CSMD1: variants seen among roughly 807,000 people sequenced by gnomAD.
CSMD1 encodes the protein CUB and sushi domain-containing protein 1.
A neutral mutation model predicts 417.5 loss-of-function variants in CSMD1; 213 were observed. The observed-to-expected ratio is 0.51, with a 90% CI of 0.46 to 0.57. The LOEUF (loss-of-function observed/expected upper bound fraction) is 0.57, where lower values mean the gene tolerates loss of function less well. Ranked by LOEUF, CSMD1 falls within the 20% of genes least tolerant of loss-of-function variation. The probability of loss-of-function intolerance (pLI) is 0.00; values close to 1 mark genes in which losing one functional copy is unlikely to be tolerated. For missense variants in CSMD1, 6,923 were observed against 4,529.7 expected, an observed-to-expected ratio of 1.53 and a Z score of -15.17; for synonymous variants, 2,862 against 1,736.8, an observed-to-expected ratio of 1.65 and a Z score of -16.11.
rs188188185 is a variant in CSMD1, at chr8:4,048,370, C to A, written c.416-16271G>T. Among the ~76,000 whole-genome samples the A allele has an allele frequency of 1.4e-3, 214 of 152,274 alleles. 1 individual carries two copies. Among genetic ancestry groups the A allele is most frequent in the African/African-American group, 4.9e-3 (203 of 41,548 alleles). ...TTAACCATATTCTTAATAACAACAG[C>A]TAACACAGACAATGCTTCCTAGACA... On this transcript the variant is annotated intron_variant, in intron 3 of 69. Transcript: ENST00000635120.
intron 36 of CSMD1, among the ~76,000 whole-genome samples, chr8:3,182,369 C>T (rs1204168138): frequency 3.3e-5 from 5 of 152,122 alleles, no homozygotes. Context: ...CATGCTCCAC[C>T]ATGTCCTGCT....
At chr8:3,181,014 A>G (rs572272227) in intron 37 of CSMD1, 96 bp downstream of exon 37, 4 of 765,102 alleles carry the variant, frequency 5.2e-6, no homozygotes, top group East Asian at 5.4e-5. Flanking sequence ...TAGAAAAATA[A>G]TATTTCACTG....
rs151044375 is a variant in CSMD1, at chr8:3,896,470, T to C, written c.818+101433A>G. On this transcript the variant is annotated intron_variant, in intron 5 of 69. Transcript: ENST00000635120. ...CACTTGGGAGAGAAAGTAAATTCAATAAAAGGCTACCAAATAAGGTCTTGA... is the reference window on the plus strand; with the variant it reads ...CACTTGGGAGAGAAAGTAAATTCAACAAAAGGCTACCAAATAAGGTCTTGA... 1.6e-3 allele frequency among the ~76,000 whole-genome samples: 245 copies of C among 152,182 alleles called. 1 individual carries two copies. Among genetic ancestry groups the C allele is most frequent in the Non-Finnish European group, 2.4e-3 (160 of 68,010 alleles).
chr8:3,218,862 A>T (rs1054849822), intron 29 of CSMD1, among the ~76,000 whole-genome samples: 1 of 152,128 alleles, frequency 6.6e-6, no homozygotes, highest in Non-Finnish European at 1.5e-5. Flanking sequence ...ACAAGAGCAA[A>T]ACTCTGTCTC....
At chr8:3,794,015 G>A (rs565127046) in intron 5 of CSMD1, among the ~76,000 whole-genome samples, 5 of 152,228 alleles carry the variant, frequency 3.3e-5, no homozygotes, top group South Asian at 2.1e-4. Context: ...TATCCCACGC[G>A]TAGACAGACG....
At chr8:3,467,548 G>A (rs113531760) in intron 12 of CSMD1, among the ~76,000 whole-genome samples, 3,080 of 152,182 alleles carry the variant, frequency 0.02, 118 homozygotes, top group African/African-American at 0.07. Context: ...ATTTTTTGTC[G>A]TAGTATTTCT....
intron 25 of CSMD1, among the ~76,000 whole-genome samples, chr8:3,289,063 G>T (rs1202838582): frequency 1.4e-5 from 2 of 147,020 alleles, no homozygotes; most frequent in African/African-American, 2.7e-5. Context: ...ACCTATGAGG[G>T]AGAACATGCG....
chr8:3,656,787 G>T (rs545109119), intron 7 of CSMD1, among the ~76,000 whole-genome samples: 2 of 152,104 alleles, frequency 1.3e-5, no homozygotes, highest in Non-Finnish European at 2.9e-5. Flanking sequence ...TTAGGCAGAT[G>T]TGGTGGGCAT....
intron 5 of CSMD1, among the ~76,000 whole-genome samples, chr8:3,794,619 T>C: frequency 6.6e-5 from 2 of 30,448 alleles, no homozygotes; most frequent in African/African-American, 1.2e-4. Context: ...TTAATAATTA[T>C]TTTTTAATTT....
intron 1 of CSMD1, among the ~76,000 whole-genome samples, chr8:4,889,923 T>A (rs998568592): frequency 3.9e-5 from 6 of 152,140 alleles, no homozygotes; most frequent in African/African-American, 1.2e-4. Context: ...AGTTTTGGAA[T>A]GTGGTCCTCT....
chr8:3,718,944 G>A (rs1272825929), intron 6 of CSMD1, among the ~76,000 whole-genome samples: 2 of 152,108 alleles, frequency 1.3e-5, no homozygotes, highest in Non-Finnish European at 2.9e-5. Context: ...CAAACAGAGG[G>A]AGAATAGAAG....
chr8:3,342,843 TTG>T (rs911504452), intron 23 of CSMD1, among the ~76,000 whole-genome samples: 7 of 143,230 alleles, frequency 4.9e-5, no homozygotes, highest in Middle Eastern at 3.6e-3. Context: ...TATGTAGTTG[TTG>T]TGTGTGTGTG....
At chr8:3,494,343 T>G (rs1405364222) in intron 10 of CSMD1, among the ~76,000 whole-genome samples, 3 of 152,318 alleles carry the variant, frequency 2.0e-5, no homozygotes, top group Non-Finnish European at 4.4e-5. Context: ...ATCTATTAAC[T>G]TCTTTCTGTA....
chr8:3,892,105 A>T lies in CSMD1; in HGVS notation c.818+105798T>A, dbSNP rs556364689. 3.3e-5 allele frequency among the ~76,000 whole-genome samples: 5 copies of T among 151,564 alleles called. No individual in the cohort carries two copies. The South Asian group carries it at 8.4e-4, about 25-fold the overall frequency. On this transcript the variant is annotated intron_variant, in intron 5 of 69. Transcript: ENST00000635120. Reference sequence around the variant, plus strand: ...GCTTTTCAAAGTTTCCTATTCAGGCAGGACAGATACATAAGCTCTAAGATA... The same window carrying T: ...GCTTTTCAAAGTTTCCTATTCAGGCTGGACAGATACATAAGCTCTAAGATA...
intron 3 of CSMD1, among the ~76,000 whole-genome samples, chr8:4,249,664 C>T (rs1232071082): frequency 1.3e-5 from 2 of 152,128 alleles, no homozygotes; most frequent in Non-Finnish European, 2.9e-5. Context: ...TGAGAGCTGC[C>T]AGCTCTCTTC....
At chr8:3,955,961 T>A (rs1000029338) in intron 5 of CSMD1, among the ~76,000 whole-genome samples, 3 of 152,070 alleles carry the variant, frequency 2.0e-5, no homozygotes, top group Non-Finnish European at 2.9e-5. Context: ...GCCCAACTAA[T>A]TGTTTGTATT....
chr8:4,272,402 A>G (rs960955113), intron 3 of CSMD1, among the ~76,000 whole-genome samples: 7 of 152,198 alleles, frequency 4.6e-5, no homozygotes, highest in African/African-American at 1.7e-4. Flanking sequence ...AGACCTATAG[A>G]CAATGAGGAT....
chr8:4,027,182 G>C (rs1383901971), intron 4 of CSMD1, among the ~76,000 whole-genome samples: 1 of 152,152 alleles, frequency 6.6e-6, no homozygotes, highest in African/African-American at 2.4e-5. Context: ...GACGAGGTAA[G>C]AAGCATATAG....
At chr8:3,592,853 G>A (rs1483318333) in intron 8 of CSMD1, among the ~76,000 whole-genome samples, 1 of 152,000 alleles carries the variant, frequency 6.6e-6, no homozygotes, top group Non-Finnish European at 1.5e-5. Flanking sequence ...AGGTGTAAAG[G>A]AGATGTGATG....
Sources: allele counts gnomAD v4.1 joint callset (sites outside exome capture counted in the v4.1 genomes callset), GRCh38; gene constraint gnomAD v4.1.1; transcripts MANE v1.5; gene names NCBI Gene and HGNC (gene_info 2026-07-23, HGNC 2026-07-21).